Variants in ZNF565 observed in about 807,000 individuals in gnomAD.
ZNF565 encodes the protein zinc finger protein 565.
Under a neutral mutation model 39.4 loss-of-function variants are expected in ZNF565, and 27 were observed. The ratio of observed to expected loss-of-function variants is 0.69; its 90% CI spans 0.51 to 0.95. The LOEUF (loss-of-function observed/expected upper bound fraction) is 0.95, where lower values mean the gene tolerates loss of function less well. Ranked by LOEUF, ZNF565 falls within the 40% of genes least tolerant of loss-of-function variation. ZNF565 has a pLI of 0.00. For synonymous variants in ZNF565, 185 were observed against 216.6 expected, an observed-to-expected ratio of 0.85 and a Z score of 1.28; for missense variants, 524 against 621.1, an observed-to-expected ratio of 0.84 and a Z score of 1.66.
At chr19:36,237,470 C>G in intron 1 of ZNF565, 3 of 922,234 alleles carry the variant, frequency 3.3e-6, no homozygotes, top group Non-Finnish European at 3.2e-6. Context: ...AAAATTTGTA[C>G]TGAAGAGAAA....
chr19:36,193,683 C>T (rs62113094), intron 4 of ZNF565, among the ~76,000 whole-genome samples: 142 of 152,248 alleles, frequency 9.3e-4, no homozygotes, highest in African/African-American at 3.3e-3. Context: ...CCTCGTGATC[C>T]GCCCGCCTTG....
intron 4 of ZNF565, among the ~76,000 whole-genome samples, chr19:36,184,583 C>A (rs530297738): frequency 1.4e-4 from 21 of 152,038 alleles, no homozygotes; most frequent in African/African-American, 4.6e-4. Flanking sequence ...TTTTATCACT[C>A]CAAATAGAAA....
At position 36,195,160 on chromosome 19, in the gene ZNF565, A is replaced by T; in HGVS notation, c.10-4T>A. On this transcript the variant is annotated splice_region_variant and splice_polypyrimidine_tract_variant and intron_variant, in intron 2 of 4. Transcript: ENST00000304116. ...CGTCCCTGAATGTCACCAGTCCCTG[A>T]AACAATAAACCCACGCATTAGTGTA... is the stretch of plus-strand genomic sequence containing the variant. 6.2e-7 allele frequency: 1 copy of T among 1,613,222 alleles called. No homozygotes were observed. Among genetic ancestry groups the T allele is most frequent in the Non-Finnish European group, 8.5e-7 (1 of 1,179,322 alleles).
intron 1 of ZNF565, among the ~76,000 whole-genome samples, chr19:36,234,559 G>A (rs1370720989): frequency 6.6e-6 from 1 of 152,124 alleles, no homozygotes; most frequent in African/African-American, 2.4e-5. Flanking sequence ...CACCACGCCC[G>A]GCTAATTTTT....
At chr19:36,199,503 TCTC>T (rs1223509888) in intron 2 of ZNF565, among the ~76,000 whole-genome samples, 1 of 146,744 alleles carries the variant, frequency 6.8e-6, no homozygotes, top group Non-Finnish European at 1.5e-5. Flanking sequence ...TTTCTTTCTT[TCTC>T]TTTTTTTTTT....
intron 1 of ZNF565, among the ~76,000 whole-genome samples, chr19:36,227,959 G>C (rs927899555): frequency 6.6e-6 from 1 of 152,110 alleles, no homozygotes; most frequent in African/African-American, 2.4e-5. Flanking sequence ...TCAGGAGTTC[G>C]AGACCAGCCT....
At chr19:36,231,061 T>C (rs531451808) in intron 1 of ZNF565, among the ~76,000 whole-genome samples, 1 of 152,248 alleles carries the variant, frequency 6.6e-6, no homozygotes, top group East Asian at 1.9e-4. Context: ...ACTGGCTTAT[T>C]CCTAGGTTAC....
chr19:36,185,649 A>G (rs1438495231), intron 4 of ZNF565, among the ~76,000 whole-genome samples: 1 of 151,794 alleles, frequency 6.6e-6, no homozygotes, highest in Non-Finnish European at 1.5e-5. Flanking sequence ...CCATCTATCA[A>G]GAATCCTGTC....
chr19:36,233,807 G>T (rs1440740754), intron 1 of ZNF565, among the ~76,000 whole-genome samples: 1 of 152,202 alleles, frequency 6.6e-6, no homozygotes, highest in Non-Finnish European at 1.5e-5. Context: ...GCTTTACACG[G>T]AGACATTCCA....
At chr19:36,226,107 A>G (rs755242425) in intron 1 of ZNF565, among the ~76,000 whole-genome samples, 6 of 152,130 alleles carry the variant, frequency 3.9e-5, no homozygotes, top group Non-Finnish European at 8.8e-5. Context: ...AGCAGCAGTA[A>G]TAGTCTGACA....
intron 1 of ZNF565, among the ~76,000 whole-genome samples, chr19:36,206,230 G>T (rs975606417): frequency 1.3e-5 from 2 of 151,964 alleles, no homozygotes; most frequent in African/African-American, 2.4e-5. Flanking sequence ...CAAAGTGCTG[G>T]GATTACAGGT....
At chr19:36,215,204 C>T (rs1219551320), upstream of ZNF565, 1 of 152,298 alleles carries the variant, frequency 6.6e-6, no homozygotes, top group Non-Finnish European at 1.5e-5. Flanking sequence ...GAGGTGGGAT[C>T]TGGGCGTCTC....
rs201841862 is a variant in ZNF565, at chr19:36,183,527, C to T, written c.439G>A (p.Val147Met). Residue 147 changes from valine (V) to methionine (M), a missense_variant, in exon 5 of 5, where the codon GTG (valine) becomes ATG (methionine). By Grantham distance (21) the Val-to-Met change is conservative. Coordinates refer to ENST00000304116, the MANE Select transcript of ZNF565 (RefSeq NM_152477.5). ...GTGTGAGACGTGTGATGCTGGAACA[C>T]GGGCATATGTCCATAGGTGACGTTC... ...QVNVTYGHMP[V>M]FQHHTSHTVR... is the part of the protein sequence containing the mutation. 1.1e-4 allele frequency: 177 copies of T among 1,614,220 alleles called. No homozygotes were observed. Among genetic ancestry groups the T allele is most frequent in the Non-Finnish European group, 5.0e-5 (59 of 1,180,034 alleles).
intron 1 of ZNF565, among the ~76,000 whole-genome samples, chr19:36,213,689 A>ATTTTTTT (rs34943234): frequency 7.5e-6 from 1 of 133,288 alleles, no homozygotes; most frequent in Non-Finnish European, 1.6e-5. Context: ...CCAGCCATTA[A>ATTTTTTT]TTTTTTTTTT....
intron 1 of ZNF565, among the ~76,000 whole-genome samples, chr19:36,225,599 T>C (rs1977030184): frequency 6.6e-6 from 1 of 151,882 alleles, no homozygotes; most frequent in Admixed American, 6.6e-5. Context: ...TACAGGTGCA[T>C]ACCACCATAC....
intron 1 of ZNF565, among the ~76,000 whole-genome samples, chr19:36,213,578 G>C (rs1475982644): frequency 2.6e-5 from 4 of 152,012 alleles, no homozygotes; most frequent in Non-Finnish European, 5.9e-5. Context: ...TAGAGACAGG[G>C]TTTTATCGTG....
chr19:36,184,787 T>C (rs1975229009), intron 4 of ZNF565, among the ~76,000 whole-genome samples: 1 of 152,124 alleles, frequency 6.6e-6, no homozygotes, highest in African/African-American at 2.4e-5. Context: ...AATCTCTGCT[T>C]AAACATTTCA....
chr19:36,210,991 A>AT lies in ZNF565; in HGVS notation c.-66+3630dup, dbSNP rs552278989. On this transcript the variant is annotated intron_variant, in intron 1 of 4. Coordinates refer to ENST00000304116, the MANE Select transcript of ZNF565 (RefSeq NM_152477.5). The stretch of plus-strand genomic sequence containing the variant: ...GGGGCTCCCAGTGGCCAAATGTGTG[A>AT]TAATTTGAGCAAAAAAAAAAAATGA... Among the ~76,000 whole-genome samples, 361 of 151,052 alleles carry AT rather than the reference A, an allele frequency of 2.4e-3. 1 individual carries two copies. The highest frequency in any genetic ancestry group is 8.4e-3 in the African/African-American group (339 of 40,536).
intron 1 of ZNF565, among the ~76,000 whole-genome samples, chr19:36,221,769 A>G (rs1363596440): frequency 6.6e-6 from 1 of 151,556 alleles, no homozygotes; most frequent in African/African-American, 2.4e-5. Flanking sequence ...TTATCCTTCA[A>G]GTGGGTTTTT....
Sources: allele counts gnomAD v4.1 joint callset (sites outside exome capture counted in the v4.1 genomes callset), GRCh38; gene constraint gnomAD v4.1.1; transcripts MANE v1.5; gene names NCBI Gene and HGNC (gene_info 2026-07-23, HGNC 2026-07-21).